The following FLNB variants were observed in gnomAD, a reference collection of about 807,000 sequenced individuals.
FLNB encodes filamin-B.
A neutral mutation model predicts 250.6 loss-of-function variants in FLNB; 111 were observed. The observed-to-expected ratio is 0.44, with a 90% CI of 0.38 to 0.52. The LOEUF (loss-of-function observed/expected upper bound fraction) is 0.52, where lower values mean the gene tolerates loss of function less well. Among genes scored for constraint, FLNB ranks in the 20% least tolerant of loss-of-function variants. FLNB has a pLI of 0.00. For missense variants in FLNB, 2,869 were observed against 3,447.8 expected, an observed-to-expected ratio of 0.83 and a Z score of 4.20; for synonymous variants, 1,302 against 1,372.1, an observed-to-expected ratio of 0.95 and a Z score of 1.13.
chr3:58,013,044 G>T (rs79974165), intron 1 of FLNB, among the ~76,000 whole-genome samples: 7,837 of 152,302 alleles, frequency 0.051, 303 homozygotes, highest in Non-Finnish European at 0.08. Context: ...CTTGTTATGT[G>T]ATGGGCAGTT....
intron 1 of FLNB, among the ~76,000 whole-genome samples, chr3:58,023,848 G>A (rs1318627827): frequency 6.6e-6 from 1 of 152,078 alleles, no homozygotes; most frequent in Admixed American, 6.5e-5. Flanking sequence ...GGACTGCCAG[G>A]GTCTCTTAAT....
chr3:58,124,125 G>A (rs562597795), intron 21 of FLNB, among the ~76,000 whole-genome samples: 15 of 152,330 alleles, frequency 9.8e-5, no homozygotes, highest in African/African-American at 3.6e-4. Context: ...GTGAGCAGTC[G>A]TGTTGTCACT....
intron 42 of FLNB, among the ~76,000 whole-genome samples, chr3:58,161,470 C>T (rs1320129934): frequency 6.6e-6 from 1 of 152,142 alleles, no homozygotes; most frequent in Non-Finnish European, 1.5e-5. Flanking sequence ...TGGGTACCCT[C>T]CCTCTTCTCT....
chr3:58,118,844 G>A (rs2097283410), intron 18 of FLNB, 28 bp from the exon 19 acceptor site: 5 of 1,575,266 alleles, frequency 3.2e-6, no homozygotes, highest in Non-Finnish European at 4.4e-6. Flanking sequence ...GTACCCAAAG[G>A]TAAACTGAGT....
At chr3:58,125,913 T>C (rs1258477323) in intron 23 of FLNB, among the ~76,000 whole-genome samples, 170 bp downstream of exon 23, 1 of 152,236 alleles carries the variant, frequency 6.6e-6, no homozygotes, top group Non-Finnish European at 1.5e-5. Flanking sequence ...CTAAAAAACA[T>C]ACCAAAGCAC....
At chr3:58,049,170 G>A (rs2097158486) in intron 1 of FLNB, among the ~76,000 whole-genome samples, 1 of 152,174 alleles carries the variant, frequency 6.6e-6, no homozygotes, top group Admixed American at 6.5e-5. Flanking sequence ...TATGCTAAAC[G>A]ATTTGATGTT....
chr3:58,043,026 G>A (rs2097148294), intron 1 of FLNB, among the ~76,000 whole-genome samples: 1 of 152,046 alleles, frequency 6.6e-6, no homozygotes, highest in Non-Finnish European at 1.5e-5. Context: ...GATAGACTGA[G>A]GAGGAATTGG....
Position 58,123,395 on chromosome 3 carries a change from C to T in FLNB, c.3429C>T (p.Leu1143=), listed in dbSNP as rs937646550. Residue 1143 remains leucine (L), a synonymous_variant, in exon 21 of 46, where the codon CTC becomes CTT. Coordinates refer to ENST00000295956, the MANE Select transcript of FLNB (RefSeq NM_001457.4). ...AAGTCGTGGCATCGGGGCCAGGTCT[C>T]GAGCACGGGAAGGTGGGTGAAGCTG... The part of the protein sequence containing the change: ...PSKVVASGPG[L]EHGKVGEAGL... 7.4e-6 allele frequency: 12 copies of T among 1,613,998 alleles called. No individual in the cohort carries two copies. Among genetic ancestry groups the T allele is most frequent in the African/African-American group, 1.3e-5 (1 of 74,892 alleles).
chr3:58,112,342 CCCCTGGCCCCCA>C, intron 18 of FLNB, 24 bp downstream of exon 18: 1 of 1,610,160 alleles, frequency 6.2e-7, no homozygotes, highest in Non-Finnish European at 8.5e-7. Flanking sequence ...CCCCTCTGCT[CCCCTGGCCCCCA>C]GCCAGGCCCC....
chr3:58,028,976 G>A (rs2097127155), intron 1 of FLNB, among the ~76,000 whole-genome samples: 1 of 151,932 alleles, frequency 6.6e-6, no homozygotes, highest in Admixed American at 6.6e-5. Context: ...TAGCTACTTG[G>A]GAGGCTGGGG....
chr3:58,045,104 C>T (rs2097151723), intron 1 of FLNB, among the ~76,000 whole-genome samples: 1 of 152,180 alleles, frequency 6.6e-6, no homozygotes, highest in Admixed American at 6.5e-5. Flanking sequence ...CCATCCTGAC[C>T]TCTATTAGGT....
At chr3:58,012,340 T>C (rs9843531) in intron 1 of FLNB, among the ~76,000 whole-genome samples, 2,501 of 152,270 alleles carry the variant, frequency 0.016, 82 homozygotes, top group African/African-American at 0.057. Flanking sequence ...GTTAGTATTA[T>C]TATCTTTATT....
At chr3:58,154,528 G>C in intron 39 of FLNB, 1 of 404,786 alleles carries the variant, frequency 2.5e-6, no homozygotes, top group African/African-American at 2.1e-5. Context: ...CTGGGCAGCA[G>C]AGCAAGACTC....
chr3:58,149,583 A>G, intron 36 of FLNB: 2 of 526,402 alleles, frequency 3.8e-6, no homozygotes, highest in South Asian at 4.1e-5. Context: ...TGTACGGGAC[A>G]CATCATCTAT....
intron 42 of FLNB, among the ~76,000 whole-genome samples, chr3:58,160,758 A>C (rs1279135584): frequency 2.0e-5 from 3 of 151,794 alleles, no homozygotes; most frequent in Non-Finnish European, 4.4e-5. Flanking sequence ...CTTTGGGAGG[A>C]TCAGTTGAGC....
intron 20 of FLNB, among the ~76,000 whole-genome samples, chr3:58,122,010 A>G (rs1002325503): frequency 6.6e-6 from 1 of 151,830 alleles, no homozygotes; most frequent in Non-Finnish European, 1.5e-5. Context: ...TCCACTAAAA[A>G]TACAAAAAAT....
At chr3:58,009,457 C>G (rs193244270) in intron 1 of FLNB, among the ~76,000 whole-genome samples, 1 of 152,294 alleles carries the variant, frequency 6.6e-6, no homozygotes, top group African/African-American at 2.4e-5. Flanking sequence ...TGTCCTCGCT[C>G]TCTCTGCTCC....
intron 25 of FLNB, chr3:58,132,198 C>T (rs901235479): frequency 1.7e-6 from 1 of 605,854 alleles, no homozygotes; most frequent in East Asian, 2.8e-5. Flanking sequence ...GATCTGGACT[C>T]TGCAACCCAA....
chr3:58,138,022 A>G (rs1048428161), intron 28 of FLNB, among the ~76,000 whole-genome samples: 3 of 152,222 alleles, frequency 2.0e-5, no homozygotes, highest in East Asian at 1.9e-4. Flanking sequence ...CTTCATTGCC[A>G]TACCTTTAAA....
Sources: gnomAD v4.1 joint callset for allele counts (sites outside exome capture counted in the v4.1 genomes callset) on GRCh38, gnomAD v4.1.1 for gene constraint, MANE v1.5 for transcripts, NCBI Gene and HGNC (gene_info 2026-07-23, HGNC 2026-07-21) for gene names.